Variants in TTLL7 observed in about 807,000 individuals in gnomAD.
TTLL7 encodes the protein tubulin tyrosine ligase like 7, also known as tubulin polyglutamylase TTLL7.
TTLL7 carries 53 observed loss-of-function variants against 120.2 expected under a neutral mutation model. The observed-to-expected ratio is 0.44, with a 90% CI of 0.35 to 0.55. The LOEUF (loss-of-function observed/expected upper bound fraction) is 0.55, where lower values mean the gene tolerates loss of function less well. TTLL7 is among the 20% of genes least tolerant of loss of function. The pLI is 0.00. For synonymous variants in TTLL7, 353 were observed against 351.7 expected (o/e 1.00, Z -0.04); for missense variants, 803 against 1,054.7 (o/e 0.76, Z 3.31).
chr1:83,925,025 C>G (rs576954596), intron 10 of TTLL7, among the ~76,000 whole-genome samples: 1 of 152,248 alleles, frequency 6.6e-6, no homozygotes, highest in South Asian at 2.1e-4. Flanking sequence ...ACAATCTGAT[C>G]AGAGTATCAG....
intron 19 of TTLL7, among the ~76,000 whole-genome samples, chr1:83,889,149 G>T (rs1655227522): frequency 6.6e-6 from 1 of 152,074 alleles, no homozygotes; most frequent in South Asian, 2.1e-4. Flanking sequence ...GGCAGAAGGG[G>T]AAGCAAACAT....
intron 17 of TTLL7, among the ~76,000 whole-genome samples, chr1:83,905,809 T>G (rs1036374657): frequency 6.6e-6 from 1 of 151,964 alleles, no homozygotes; most frequent in Non-Finnish European, 1.5e-5. Context: ...TTTTAGAATG[T>G]TCCACTGGGT....
intron 7 of TTLL7, 33 bp downstream of exon 7, chr1:83,942,430 A>G (rs1488697296): frequency 2.0e-6 from 3 of 1,535,588 alleles, no homozygotes; most frequent in Non-Finnish European, 2.7e-6. Context: ...TGACAAATGA[A>G]TGAAAAGATA....
rs148381649 is a variant in TTLL7 at position 83,883,118 on chromosome 1, T to C, written c.2388A>G (p.Ile796Met). Residue 796 changes from isoleucine (I) to methionine (M), a missense_variant, in exon 20 of 21, where the codon ATA becomes ATG. This residue lies in a region of TTLL7 where 388 missense variants were observed against 450.4 expected (regional missense o/e 0.86). Coordinates refer to ENST00000260505, the MANE Select transcript of TTLL7 (RefSeq NM_024686.6). Reference protein sequence around the residue: ...FCDSGSSWESIFNKSPEVVTP... With the variant: ...FCDSGSSWESMFNKSPEVVTP... ...TCACCACCTCCGGGCTTTTATTGAA[T>C]ATACTCTCCCAAGAGGATCTGTTGG... The C allele has an allele frequency of 3.4e-5, 55 of 1,606,228 alleles. No individual in the cohort carries two copies. The African/African-American group carries it at 7.1e-4, about 21-fold the overall frequency.
chr1:83,891,941 T>G (rs1655512646), intron 18 of TTLL7, among the ~76,000 whole-genome samples: 1 of 151,730 alleles, frequency 6.6e-6, no homozygotes, highest in Admixed American at 6.6e-5. Flanking sequence ...TATCCTCCCA[T>G]CTCAGCCTCC....
chr1:83,979,176 C>G (rs1651754130), intron 1 of TTLL7: 1 of 152,232 alleles, frequency 6.6e-6, no homozygotes, highest in Non-Finnish European at 1.5e-5. Flanking sequence ...AGAGCTATCA[C>G]TCAAATCAGT....
chr1:83,883,160 A>C (rs748340447), intron 19 of TTLL7, 24 bp from the exon 20 acceptor site: 15 of 1,553,176 alleles, frequency 9.7e-6, no homozygotes, highest in Non-Finnish European at 8.7e-7. Context: ...AACAGACATG[A>C]TCTCATGTTG....
rs371142383 is a variant in TTLL7 at position 83,968,148 on chromosome 1, T to A, written c.-176-15761A>T. Among the ~76,000 whole-genome samples, 65 of 152,134 alleles carry A rather than the reference T, an allele frequency of 4.3e-4. 1 individual carries two copies. The South Asian group carries it at 0.013, about 30-fold the overall frequency. ...CAAAGTGTGAAATGCACCATACCCA[T>A]GGGCTTATAAAAACAATAACAAACT... is the stretch of plus-strand genomic sequence containing the variant. On this transcript the variant is annotated intron_variant, in intron 1 of 20. Transcript: ENST00000260505.
At chr1:83,935,468 C>T (rs992561691) in intron 8 of TTLL7, among the ~76,000 whole-genome samples, 3 of 151,688 alleles carry the variant, frequency 2.0e-5, no homozygotes, top group African/African-American at 7.3e-5. Context: ...GAATTTACAA[C>T]ATAATATCAC....
rs538565685 is a variant in TTLL7 at position 83,865,938 on chromosome 1, A to G, written c.*4024T>C. The G allele has an allele frequency of 6.6e-6, 1 of 152,084 alleles. No homozygotes were observed. Among genetic ancestry groups the G allele is most frequent in the African/African-American group, 2.4e-5 (1 of 41,570 alleles). 9.4% of individuals were successfully genotyped at this position (152,084 alleles called of 1,614,324 possible). A position where few individuals can be genotyped will look rare whatever the true frequency, so the allele number is the denominator to read the frequency against. On this transcript the variant is annotated 3_prime_UTR_variant, in exon 21 of 21. Coordinates refer to ENST00000260505, the MANE Select transcript of TTLL7 (RefSeq NM_024686.6). ...ATCATGAATATATTTCTAAATTTTT[A>G]TTTATTTATAAGTCAACATTAGCCC...
intron 1 of TTLL7, chr1:83,980,153 A>G (rs897132521): frequency 2.0e-5 from 3 of 152,174 alleles, no homozygotes; most frequent in Non-Finnish European, 2.9e-5. Flanking sequence ...AACAGAATTC[A>G]CTGTCAAAAG....
intron 19 of TTLL7, among the ~76,000 whole-genome samples, chr1:83,887,951 T>A (rs1655098721): frequency 6.6e-6 from 1 of 152,022 alleles, no homozygotes; most frequent in Non-Finnish European, 1.5e-5. Context: ...TTACTATCCC[T>A]ATGATTACTA....
chr1:83,947,503 T>C, intron 5 of TTLL7: 1 of 443,002 alleles, frequency 2.3e-6, no homozygotes, highest in Non-Finnish European at 3.9e-6. Context: ...AAAACAACCT[T>C]GCCCTAATAT....
At chr1:83,896,405 C>T (rs963386530) in intron 18 of TTLL7, among the ~76,000 whole-genome samples, 10 of 152,010 alleles carry the variant, frequency 6.6e-5, no homozygotes, top group Non-Finnish European at 5.9e-5. Context: ...TCATATTTTG[C>T]AAAAGCATAC....
rs1264945954 is a variant in TTLL7, at chr1:83,865,411, G to A, written c.*4551C>T. ...TTATTTCATTACTTTTGTAAGGTAA[G>A]CCTTATTACTAATTTAGGAACTATT... On this transcript the variant is annotated 3_prime_UTR_variant, in exon 21 of 21. Coordinates refer to ENST00000260505, the MANE Select transcript of TTLL7 (RefSeq NM_024686.6). 6.6e-6 allele frequency: 1 copy of A among 151,978 alleles called. No homozygotes were observed. The highest frequency in any genetic ancestry group is 1.5e-5 in the Non-Finnish European group (1 of 67,884). 9.4% of individuals were successfully genotyped at this position (151,978 alleles called of 1,614,324 possible).
intron 8 of TTLL7, 44 bp from the exon 9 acceptor site, chr1:83,933,810 A>T (rs1413171031): frequency 1.6e-5 from 25 of 1,566,798 alleles, no homozygotes; most frequent in African/African-American, 2.7e-5. Flanking sequence ...TTTGTATCTC[A>T]TTTCATATGT....
chr1:83,870,493 A>C (rs1363115297), intron 20 of TTLL7, among the ~76,000 whole-genome samples: 2 of 152,258 alleles, frequency 1.3e-5, no homozygotes, highest in African/African-American at 4.8e-5. Context: ...ATTATAATTT[A>C]ATAATAGATC....
intron 1 of TTLL7, among the ~76,000 whole-genome samples, chr1:83,959,668 T>G (rs1649844354): frequency 6.6e-6 from 1 of 151,980 alleles, no homozygotes; most frequent in Admixed American, 6.6e-5. Flanking sequence ...ATAATTAAAC[T>G]TATAAGGATT....
intron 18 of TTLL7, among the ~76,000 whole-genome samples, chr1:83,892,062 C>G (rs754964114): frequency 7.9e-5 from 12 of 151,760 alleles, no homozygotes; most frequent in Non-Finnish European, 1.3e-4. Flanking sequence ...CTCCTGAGCT[C>G]AAGCGATCTG....
Sources: gnomAD v4.1 joint callset for allele counts (sites outside exome capture counted in the v4.1 genomes callset) on GRCh38, gnomAD v4.1.1 for gene constraint, gnomAD v4.1.1 regional missense constraint, MANE v1.5 for transcripts, NCBI Gene and HGNC (gene_info 2026-07-23, HGNC 2026-07-21) for gene names.